Variants in APOL5 observed in about 807,000 individuals in gnomAD.
APOL5 encodes the protein apolipoprotein L, 5.
APOL5 carries 29 observed loss-of-function variants against 35.5 expected under a neutral mutation model. The ratio of observed to expected loss-of-function variants is 0.82; its 90% CI spans 0.61 to 1.11. APOL5 has a LOEUF of 1.11. Among genes scored for constraint, APOL5 ranks in the 50% most tolerant of loss-of-function variants. APOL5 has a pLI of 0.00. For synonymous variants in APOL5, 188 were observed against 200.2 expected (o/e 0.94, Z 0.51); for missense variants, 514 against 530.4 (o/e 0.97, Z 0.30).
At position 35,726,510 on chromosome 22, in the gene APOL5, T is replaced by C; in HGVS notation, c.442T>C (p.Ser148Pro). Residue 148 changes from serine to proline, a missense_variant, in exon 3 of 5, where the codon TCT becomes CCT. By Grantham distance (74) the Ser-to-Pro change is moderately conservative (BLOSUM62 -1). Transcript: ENST00000249044. Reference protein sequence around the residue: ...SLVASSSGAVSGVMNILGLAL... With the variant: ...SLVASSSGAVPGVMNILGLAL... ...GGTGGCCAGCTCTTCCGGGGCTGTT[T>C]CTGGGGTCATGAACATCCTGGGTTT... 1.9e-6 allele frequency: 3 copies of C among 1,614,172 alleles called. No individual in the cohort carries two copies. The East Asian group carries it at 6.7e-5, about 36-fold the overall frequency.
At chr22:35,720,063 T>C (rs1374201017) in intron 1 of APOL5, among the ~76,000 whole-genome samples, 1 of 152,178 alleles carries the variant, frequency 6.6e-6, no homozygotes, top group Non-Finnish European at 1.5e-5. Context: ...TGTGTGTTCC[T>C]CTCGATGTCC....
At chr22:35,709,534 T>C in the APOL5 span, among the ~76,000 whole-genome samples, 2 of 152,238 alleles carry the variant, frequency 1.3e-5, no homozygotes, top group African/African-American at 4.8e-5. Flanking sequence ...GTAACTTCAT[T>C]ACATTTTCCC....
At chr22:35,716,150 C>T (rs1926737165), upstream of APOL5, among the ~76,000 whole-genome samples, 2 of 152,202 alleles carry the variant, frequency 1.3e-5, no homozygotes, top group African/African-American at 4.8e-5. Flanking sequence ...ATTAATTTGT[C>T]AGATTTTGTC....
At chr22:35,711,607 C>CTTCCTTCCTTCCTTCCTTCCTTCT in the APOL5 span, among the ~76,000 whole-genome samples, 2 of 135,630 alleles carry the variant, frequency 1.5e-5, no homozygotes, top group African/African-American at 5.6e-5. Context: ...TTTTTCCTTC[C>CTTCCTTCCTTCCTTCCTTCCTTCT]TTCCTTCCTT....
chr22:35,712,104 T>C, the APOL5 span, among the ~76,000 whole-genome samples: 8 of 152,198 alleles, frequency 5.3e-5, no homozygotes, highest in Admixed American at 3.3e-4. Flanking sequence ...CCTCCTGGGC[T>C]CAAGTGATCC....
chr22:35,729,024 C>G, intron 4 of APOL5, 120 bp downstream of exon 4: 3 of 1,174,480 alleles, frequency 2.6e-6, no homozygotes, highest in Non-Finnish European at 3.4e-6. Flanking sequence ...GAGGTTGTTG[C>G]TACCTTTCCA....
intron 1 of APOL5, among the ~76,000 whole-genome samples, chr22:35,720,263 T>C (rs1926919187): frequency 1.3e-5 from 2 of 152,242 alleles, no homozygotes; most frequent in African/African-American, 4.8e-5. Flanking sequence ...TGCTCCCATA[T>C]CATTAACGTA....
chr22:35,708,603 G>A, the APOL5 span, among the ~76,000 whole-genome samples: 1 of 152,092 alleles, frequency 6.6e-6, no homozygotes, highest in East Asian at 1.9e-4. Context: ...CACAAACATC[G>A]CTTGGATTAA....
the APOL5 span, among the ~76,000 whole-genome samples, chr22:35,711,550 G>A: frequency 2.0e-5 from 3 of 147,764 alleles, no homozygotes; most frequent in South Asian, 4.3e-4. Context: ...ACTCCCACCG[G>A]CAATTCACAA....
At chr22:35,716,097 A>C (rs940145744), upstream of APOL5, among the ~76,000 whole-genome samples, 1 of 152,228 alleles carries the variant, frequency 6.6e-6, no homozygotes, top group African/African-American at 2.4e-5. Context: ...AAAAACTTAC[A>C]TAGAACCAAC....
upstream of APOL5, among the ~76,000 whole-genome samples, chr22:35,716,716 T>C (rs1268886278): frequency 6.6e-6 from 1 of 151,856 alleles, no homozygotes; most frequent in Non-Finnish European, 1.5e-5. Context: ...CCTTCGAGAA[T>C]ATTCCCCTAC....
chr22:35,708,553 C>T, the APOL5 span, among the ~76,000 whole-genome samples: 1 of 152,136 alleles, frequency 6.6e-6, no homozygotes, highest in Non-Finnish European at 1.5e-5. Context: ...CTGGGAAGTG[C>T]TGGTTTGTCA....
At chr22:35,721,690 C>T (rs1182773244) in intron 2 of APOL5, among the ~76,000 whole-genome samples, 6 of 152,164 alleles carry the variant, frequency 3.9e-5, no homozygotes, top group South Asian at 2.1e-4. Flanking sequence ...GGTCTGCCTT[C>T]ACCCTTTCCC....
At chr22:35,720,043 T>C (rs1926907854) in intron 1 of APOL5, among the ~76,000 whole-genome samples, 1 of 152,074 alleles carries the variant, frequency 6.6e-6, no homozygotes, top group Non-Finnish European at 1.5e-5. Context: ...CGCCGGTGTA[T>C]TCTTCTTCCT....
intron 2 of APOL5, among the ~76,000 whole-genome samples, chr22:35,724,048 G>A (rs150574148): frequency 1.1e-3 from 160 of 152,324 alleles, no homozygotes; most frequent in African/African-American, 3.6e-3. Flanking sequence ...AGGGGGATTT[G>A]TGGTTGTCTT....
At chr22:35,727,355 C>T (rs1927209210) in intron 3 of APOL5, among the ~76,000 whole-genome samples, 161 bp downstream of exon 3, 1 of 152,184 alleles carries the variant, frequency 6.6e-6, no homozygotes, top group African/African-American at 2.4e-5. Context: ...TAACTAGGCG[C>T]CCTCTGTTCT....
the APOL5 span, among the ~76,000 whole-genome samples, chr22:35,710,710 TC>T: frequency 6.6e-6 from 1 of 151,872 alleles, no homozygotes; most frequent in East Asian, 1.9e-4. Context: ...CTCATTCCCC[TC>T]CCCCAGCCCC....
At chr22:35,721,260 A>C (rs1017584274) in intron 2 of APOL5, among the ~76,000 whole-genome samples, 1 of 152,128 alleles carries the variant, frequency 6.6e-6, no homozygotes, top group African/African-American at 2.4e-5. Context: ...ACCTTTGGTA[A>C]GGGCAGGCAC....
At position 35,726,918 on chromosome 22, in the gene APOL5, A is replaced by G. The variant is rs1555932375; in HGVS notation, c.850A>G (p.Thr284Ala). The change falls in exon 3 of 5, where the codon ACT becomes GCT. Residue 284 changes from threonine (T) to alanine (A), a missense_variant. Thr to Ala is a moderately conservative substitution (Grantham distance 58, BLOSUM62 0). This residue lies in a region of APOL5 where 238 missense variants were observed against 229.1 expected (regional missense o/e 1.04). Coordinates refer to ENST00000249044, the MANE Select transcript of APOL5 (RefSeq NM_030642.1). ...GGTGCAGAGAGCCTTTGAGGGCACAACTCTGGCCATGACCAATGGTGCCTG... is the reference window on the plus strand; with the variant it reads ...GGTGCAGAGAGCCTTTGAGGGCACAGCTCTGGCCATGACCAATGGTGCCTG... ...RGVQRAFEGT[T>A]LAMTNGAWVM... The G allele has an allele frequency of 1.2e-6, 2 of 1,614,120 alleles. No individual in the cohort carries two copies. Among genetic ancestry groups the G allele is most frequent in the South Asian group, 2.2e-5 (2 of 91,074 alleles).
Sources: gnomAD v4.1 joint callset for allele counts (sites outside exome capture counted in the v4.1 genomes callset) on GRCh38, gnomAD v4.1.1 for gene constraint, gnomAD v4.1.1 regional missense constraint, MANE v1.5 for transcripts, NCBI Gene and HGNC (gene_info 2026-07-23, HGNC 2026-07-21) for gene names.